The following HDAC9 variants were observed in gnomAD, a reference collection of about 807,000 sequenced individuals.
The protein encoded by HDAC9 is MEF-2 interacting transcription repressor (MITR) protein.
A neutral mutation model predicts 139.4 loss-of-function variants in HDAC9; 41 were observed. The ratio of observed to expected loss-of-function variants is 0.29; its 90% confidence interval spans 0.23 to 0.38. The LOEUF (loss-of-function observed/expected upper bound fraction) is 0.38. Ranked by LOEUF, HDAC9 falls within the 10% of genes least tolerant of loss-of-function variation. HDAC9 has a pLI of 1.00. For missense variants in HDAC9, 1,147 were observed against 1,297.0 expected, an observed-to-expected ratio of 0.88 and a Z score of 1.78; for synonymous variants, 517 against 476.2, an observed-to-expected ratio of 1.09 and a Z score of -1.12.
chr7:18,652,909 T>A (rs1009978144), intron 11 of HDAC9, among the ~76,000 whole-genome samples: 1 of 151,976 alleles, frequency 6.6e-6, no homozygotes, highest in Non-Finnish European at 1.5e-5. Context: ...ATGGAGCTTA[T>A]AGGATGGGGA....
intron 1 of HDAC9, among the ~76,000 whole-genome samples, chr7:18,100,196 G>T (rs1371275344): frequency 6.6e-6 from 1 of 150,986 alleles, no homozygotes; most frequent in East Asian, 1.9e-4. Flanking sequence ...TCTTACTTTT[G>T]TTCTCCTTTA....
Position 18,451,371 on chromosome 7 carries a change from G to A in HDAC9, c.-41-44891G>A, listed in dbSNP as rs961398420. ...GACCAAGACACATGTATATGTGCGTGTGTGTGTGTGTGTGTGTGTGTGTGT... is the reference window on the plus strand; with the variant it reads ...GACCAAGACACATGTATATGTGCGTATGTGTGTGTGTGTGTGTGTGTGTGT... On this transcript the variant is annotated intron_variant, in intron 1 of 3. Transcript: ENST00000413509. 7.9e-3 allele frequency among the ~76,000 whole-genome samples: 931 copies of A among 117,306 alleles called. 7 individuals carry two copies. Among genetic ancestry groups the A allele is most frequent in the African/African-American group, 0.029 (880 of 30,358 alleles). The allele number at this position is 117,306 out of a possible 152,430, so 77.0% of individuals were successfully genotyped here. A position where few individuals can be genotyped will look rare whatever the true frequency, so the allele number is the denominator to read the frequency against.
chr7:18,649,554 T>A (rs1259062649), intron 11 of HDAC9, among the ~76,000 whole-genome samples: 1 of 152,162 alleles, frequency 6.6e-6, no homozygotes, highest in African/African-American at 2.4e-5. Context: ...AACTGATACT[T>A]TGTTTACTGA....
At chr7:18,529,003 T>A (rs997124642) in intron 2 of HDAC9, among the ~76,000 whole-genome samples, 1 of 152,154 alleles carries the variant, frequency 6.6e-6, no homozygotes, top group Non-Finnish European at 1.5e-5. Flanking sequence ...TTGCTTGATG[T>A]CTTTATCCTT....
chr7:18,682,354 A>G (rs540188978), intron 12 of HDAC9, among the ~76,000 whole-genome samples: 1 of 152,098 alleles, frequency 6.6e-6, no homozygotes, highest in Admixed American at 6.6e-5. Context: ...CATTATTGTA[A>G]TTTATAGTTC....
Position 18,751,750 on chromosome 7 carries a change from C to T in HDAC9, c.2043+2612C>T, listed in dbSNP as rs182721789. Among the ~76,000 whole-genome samples the T allele has an allele frequency of 1.4e-3, 211 of 152,022 alleles. 2 individuals are homozygous for T. The highest frequency in any genetic ancestry group is 4.2e-3 in the African/African-American group (175 of 41,474). On this transcript the variant is annotated intron_variant, in intron 14 of 25. Coordinates refer to ENST00000686413, the MANE Select transcript of HDAC9 (RefSeq NM_178425.4). ...AAAGTATTAACTAAACAAATGTTACCCTTGTGTAGAGACCTTTTGTTCAAT... is the reference window on the plus strand; with the variant it reads ...AAAGTATTAACTAAACAAATGTTACTCTTGTGTAGAGACCTTTTGTTCAAT...
At chr7:18,405,768 T>A (rs1787946562) in intron 1 of HDAC9, among the ~76,000 whole-genome samples, 2 of 152,234 alleles carry the variant, frequency 1.3e-5, no homozygotes, top group Admixed American at 1.3e-4. Flanking sequence ...GTTCAGATAA[T>A]AATTTGCCAT....
At chr7:18,913,916 A>G (rs1802958880) in intron 22 of HDAC9, among the ~76,000 whole-genome samples, 1 of 152,010 alleles carries the variant, frequency 6.6e-6, no homozygotes, top group Non-Finnish European at 1.5e-5. Flanking sequence ...AAAAACAAAA[A>G]CAAAAAAACA....
chr7:18,385,587 C>G (rs928572977), intron 1 of HDAC9, among the ~76,000 whole-genome samples: 2 of 152,046 alleles, frequency 1.3e-5, no homozygotes, highest in Admixed American at 6.6e-5. Context: ...AACATCTAAT[C>G]AGATATAACA....
intron 1 of HDAC9, among the ~76,000 whole-genome samples, chr7:18,153,917 A>G (rs912329641): frequency 2.6e-5 from 4 of 152,110 alleles, no homozygotes; most frequent in African/African-American, 9.7e-5. Context: ...GTGCCTAGAG[A>G]TGTGTCTTGG....
intron 23 of HDAC9, among the ~76,000 whole-genome samples, chr7:18,942,996 G>C (rs1782124218): frequency 6.6e-6 from 1 of 151,936 alleles, no homozygotes; most frequent in African/African-American, 2.4e-5. Flanking sequence ...ATTAAAGGAA[G>C]AAGAGATTAA....
chr7:18,852,809 T>A (rs553237496), intron 21 of HDAC9, among the ~76,000 whole-genome samples: 12 of 151,882 alleles, frequency 7.9e-5, no homozygotes, highest in African/African-American at 2.9e-4. Context: ...ACATTTTTCA[T>A]CTGAGGGCAC....
chr7:18,317,765 A>C (rs1799758573), intron 1 of HDAC9, among the ~76,000 whole-genome samples: 1 of 152,122 alleles, frequency 6.6e-6, no homozygotes, highest in Admixed American at 6.6e-5. Flanking sequence ...AAAATCTGTA[A>C]ATCTATGGTG....
rs1795009962 is a variant in HDAC9, at chr7:18,475,050, T to C, written c.-41-21212T>C. 2.0e-5 allele frequency among the ~76,000 whole-genome samples: 3 copies of C among 152,236 alleles called. No individual in the cohort carries two copies. The South Asian group carries it at 6.2e-4, about 31-fold the overall frequency. On this transcript the variant is annotated intron_variant, in intron 1 of 3. Transcript: ENST00000413509. Reference sequence around the variant, plus strand: ...CATTATAGGCTGTGGATTTACCCTGTGGGTTTTGTGGCAGCTCAGGCTTCA... The same window carrying C: ...CATTATAGGCTGTGGATTTACCCTGCGGGTTTTGTGGCAGCTCAGGCTTCA...
chr7:18,924,860 A>G (rs1804076315), intron 22 of HDAC9, among the ~76,000 whole-genome samples: 1 of 152,184 alleles, frequency 6.6e-6, no homozygotes, highest in South Asian at 2.1e-4. Context: ...AAATCAGTGC[A>G]TAAGCTTTTT....
At chr7:18,738,505 T>A (rs1787137401) in intron 13 of HDAC9, among the ~76,000 whole-genome samples, 2 of 152,208 alleles carry the variant, frequency 1.3e-5, no homozygotes, top group African/African-American at 4.8e-5. Context: ...ATTTTATTTC[T>A]CCTTCACTTA....
At position 18,647,964 on chromosome 7, in the gene HDAC9, A is replaced by G. The variant is rs1256716736; in HGVS notation, c.1215A>G (p.Lys405=). The G allele has an allele frequency of 1.2e-6, 2 of 1,611,922 alleles. No homozygotes were observed. The highest frequency in any genetic ancestry group is 2.2e-5 in the East Asian group (1 of 44,624). The change falls in exon 10 of 26, where the codon AAA becomes AAG. Residue 405 remains lysine, a synonymous_variant. Coordinates refer to ENST00000686413, the MANE Select transcript of HDAC9 (RefSeq NM_178425.4). The part of the protein sequence containing the change: ...HQALLQHLLL[K]EQMRQQKLLV... Reference sequence around the variant, plus strand: ...CTCTCCTGCAGCATTTATTATTGAAAGAACAAATGCGACAGCAAAAGCTTC... The same window carrying G: ...CTCTCCTGCAGCATTTATTATTGAAGGAACAAATGCGACAGCAAAAGCTTC...
chr7:18,838,921 A>G (rs1436996643), intron 21 of HDAC9, among the ~76,000 whole-genome samples: 4 of 151,986 alleles, frequency 2.6e-5, no homozygotes, highest in Non-Finnish European at 4.4e-5. Context: ...GGTTTCTATT[A>G]TGTGCTTTTT....
At chr7:18,221,798 C>G (rs1207970829) in intron 2 of HDAC9, among the ~76,000 whole-genome samples, 1 of 152,094 alleles carries the variant, frequency 6.6e-6, no homozygotes, top group African/African-American at 2.4e-5. Flanking sequence ...GATATAATAT[C>G]TAGTCACAGG....
Sources: allele counts gnomAD v4.1 joint callset (sites outside exome capture counted in the v4.1 genomes callset), GRCh38; gene constraint gnomAD v4.1.1; transcripts MANE v1.5; gene names NCBI Gene and HGNC (gene_info 2026-07-23, HGNC 2026-07-21).